The following SLC25A53 variants were observed in gnomAD, a reference collection of about 807,000 sequenced individuals.
SLC25A53 encodes the protein solute carrier family 25 member 53, also known as mitochondrial carrier triple repeat protein 6.
SLC25A53 carries 5 observed loss-of-function variants against 15.0 expected under a neutral mutation model. The observed-to-expected ratio is 0.33, with a 90% CI of 0.17 to 0.70. SLC25A53 has a LOEUF of 0.70. Among genes scored for constraint, SLC25A53 ranks in the 30% least tolerant of loss-of-function variants. SLC25A53 has a pLI of 0.67. For synonymous variants in SLC25A53, 95 were observed against 100.0 expected, an observed-to-expected ratio of 0.95 and a Z score of 0.30; for missense variants, 216 against 241.6, an observed-to-expected ratio of 0.89 and a Z score of 0.70.
At chrX:104,106,644 C>A (rs1391296977) in intron 1 of SLC25A53, among the ~76,000 whole-genome samples, 1 of 111,249 alleles carries the variant, frequency 9.0e-6, no homozygotes, top group Non-Finnish European at 1.9e-5. Flanking sequence ...AAGCTGAGGT[C>A]CCCAGGGAGG....
At chrX:104,144,868 G>A (rs1556368295) in intron 1 of SLC25A53, among the ~76,000 whole-genome samples, 1 of 111,151 alleles carries the variant, frequency 9.0e-6, no homozygotes, top group Non-Finnish European at 1.9e-5. Context: ...ATAATAGTGG[G>A]AGACTTTAAC....
Position 104,104,660 on chromosome X carries a change from G to C in SLC25A53, c.598C>G (p.Gln200Glu), listed in dbSNP as rs2075297805. ...AGGCCTTGCTCTGCCAGGCCATCCT[G>C]GATGGGGTCCTTGAAAGAAAAATAT... ...ALYFSFKDPI[Q>E]DGLAEQGLPH... Residue 200 changes from glutamine (Q) to glutamate (E), a missense_variant, in exon 2 of 2, where the codon CAG (glutamine) becomes GAG (glutamate). Coordinates refer to ENST00000594199, the MANE Select transcript of SLC25A53 (RefSeq NM_001012755.5). 8.3e-7 allele frequency: 1 copy of C among 1,209,725 alleles called. No individual in the cohort carries two copies. Among genetic ancestry groups the C allele is most frequent in the Non-Finnish European group, 1.1e-6 (1 of 895,075 alleles).
intron 1 of SLC25A53, among the ~76,000 whole-genome samples, chrX:104,143,627 T>C (rs1315439033): frequency 8.9e-6 from 1 of 111,917 alleles, no homozygotes; most frequent in Non-Finnish European, 1.9e-5. Flanking sequence ...CTACGTTTGA[T>C]TGGTGTACCT....
At chrX:104,108,605 G>A (rs1556357130) in intron 1 of SLC25A53, among the ~76,000 whole-genome samples, 1 of 111,087 alleles carries the variant, frequency 9.0e-6, no homozygotes, top group Non-Finnish European at 1.9e-5. Context: ...TCAAAGTATA[G>A]ACCACAGAAT....
At chrX:104,108,084 A>C (rs782203342) in intron 1 of SLC25A53, among the ~76,000 whole-genome samples, 18 of 112,014 alleles carry the variant, frequency 1.6e-4, no homozygotes, top group African/African-American at 3.2e-4. Flanking sequence ...AGAAACATCT[A>C]ACCTTAATAT....
intron 1 of SLC25A53, among the ~76,000 whole-genome samples, chrX:104,106,004 T>C (rs1248531113): frequency 1.8e-5 from 2 of 111,946 alleles, no homozygotes; most frequent in Admixed American, 9.4e-5. Context: ...GATAATTTTT[T>C]ATTCTTGGCG....
chrX:104,150,578 T>C (rs2075481877), intron 1 of SLC25A53, among the ~76,000 whole-genome samples: 2 of 112,257 alleles, frequency 1.8e-5, no homozygotes, highest in Non-Finnish European at 3.8e-5. Flanking sequence ...ACATGAACTT[T>C]GACTAAGCCA....
chrX:104,120,965 A>G (rs909343078), intron 1 of SLC25A53, among the ~76,000 whole-genome samples: 46 of 112,633 alleles, frequency 4.1e-4, no homozygotes, highest in African/African-American at 1.5e-3. Context: ...AAATTACATT[A>G]TTTGGGTTTC....
At chrX:104,115,336 G>T in intron 1 of SLC25A53, 1 of 1,142,414 alleles carries the variant, frequency 8.8e-7, no homozygotes, top group Non-Finnish European at 1.2e-6. Context: ...ATCTAGTCCA[G>T]CCCTAAATGA....
At chrX:104,143,082 A>G (rs1257098839) in intron 1 of SLC25A53, among the ~76,000 whole-genome samples, 1 of 111,381 alleles carries the variant, frequency 9.0e-6, no homozygotes, top group African/African-American at 3.3e-5. Flanking sequence ...TCCCACACCA[A>G]AACCCCATCG....
At chrX:104,114,807 G>A (rs782594488) in intron 1 of SLC25A53, 8 of 1,208,942 alleles carry the variant, frequency 6.6e-6, no homozygotes, top group Non-Finnish European at 1.1e-6. Context: ...GGAAGCGGCC[G>A]AAAAGGTCTG....
intron 1 of SLC25A53, among the ~76,000 whole-genome samples, chrX:104,105,641 A>G (rs782101644): frequency 2.7e-5 from 3 of 112,483 alleles, no homozygotes; most frequent in Non-Finnish European, 5.6e-5. Flanking sequence ...CATTTTATAA[A>G]CTACTTGAAT....
chrX:104,142,853 G>A (rs2075454702), intron 1 of SLC25A53, among the ~76,000 whole-genome samples: 1 of 105,881 alleles, frequency 9.4e-6, no homozygotes, highest in Non-Finnish European at 1.9e-5. Context: ...CCTGGGAGGC[G>A]GAACTTACGG....
rs191637855 is a variant in SLC25A53, at chrX:104,110,645, T to C, written c.-31-5357A>G. 3.3e-3 allele frequency among the ~76,000 whole-genome samples: 371 copies of C among 111,966 alleles called. 1 individual carries two copies. The highest frequency in any genetic ancestry group is 6.4e-3 in the South Asian group (17 of 2,661). ...AAGGAAGTAATACCTGCTCTCTAAG[T>C]CAGGGAAAAATGGAGCAGGTTTTCC... On this transcript the variant is annotated intron_variant, in intron 1 of 1. Coordinates refer to ENST00000594199, the MANE Select transcript of SLC25A53 (RefSeq NM_001012755.5).
chrX:104,106,057 C>T (rs1276132006), intron 1 of SLC25A53, among the ~76,000 whole-genome samples: 1 of 111,743 alleles, frequency 8.9e-6, no homozygotes, highest in East Asian at 2.8e-4. Context: ...TCCCTGGCTT[C>T]GGCTCACTGC....
intron 1 of SLC25A53, among the ~76,000 whole-genome samples, chrX:104,123,099 G>A (rs1477958805): frequency 4.5e-5 from 5 of 112,048 alleles, no homozygotes; most frequent in African/African-American, 1.6e-4. Context: ...CCATCATAAC[G>A]ACACCAATCG....
At chrX:104,128,298 T>C (rs1329912467) in intron 1 of SLC25A53, among the ~76,000 whole-genome samples, 9 of 112,056 alleles carry the variant, frequency 8.0e-5, no homozygotes, top group African/African-American at 2.6e-4. Context: ...AGGTTACAGA[T>C]CTATCAATAT....
chrX:104,109,415 C>T, intron 1 of SLC25A53, among the ~76,000 whole-genome samples: 1 of 112,248 alleles, frequency 8.9e-6, no homozygotes, highest in South Asian at 3.7e-4. Context: ...AAATGATTGT[C>T]ATGAAGGATG....
At chrX:104,137,279 C>T (rs781849523) in intron 1 of SLC25A53, among the ~76,000 whole-genome samples, 3 of 111,365 alleles carry the variant, frequency 2.7e-5, no homozygotes, top group Non-Finnish European at 5.6e-5. Flanking sequence ...AAACCTTGTA[C>T]CTCCCAAATT....
Sources: gnomAD v4.1 joint callset for allele counts (sites outside exome capture counted in the v4.1 genomes callset) on GRCh38, gnomAD v4.1.1 for gene constraint, MANE v1.5 for transcripts, NCBI Gene and HGNC (gene_info 2026-07-23, HGNC 2026-07-21) for gene names.